NFATC3: variants seen among roughly 807,000 people sequenced by gnomAD.
The protein encoded by NFATC3 is nuclear factor of activated T cells 3.
In NFATC3, 46 loss-of-function variants were observed where a neutral mutation model predicts 98.6. The observed-to-expected ratio is 0.47, with a 90% CI of 0.37 to 0.60. NFATC3 has a LOEUF of 0.60. Among genes scored for constraint, NFATC3 ranks in the 20% least tolerant of loss-of-function variants. The probability of loss-of-function intolerance (pLI) is 0.00; values close to 1 mark genes in which losing one functional copy is unlikely to be tolerated. For synonymous variants in NFATC3, 512 were observed against 472.2 expected (o/e 1.08, Z -1.09); for missense variants, 1,256 against 1,295.5 (o/e 0.97, Z 0.47).
intron 1 of NFATC3, among the ~76,000 whole-genome samples, chr16:68,091,863 C>G (rs1182663730): frequency 1.3e-5 from 2 of 152,162 alleles, no homozygotes; most frequent in Non-Finnish European, 2.9e-5. Flanking sequence ...CAAATTTGCC[C>G]AGGCATGCCA....
At chr16:68,214,459 GT>G in intron 9 of NFATC3, 1 of 1,598,252 alleles carries the variant, frequency 6.3e-7, no homozygotes, top group Non-Finnish European at 8.6e-7. Flanking sequence ...ATGTGTCATT[GT>G]TTTTGTGCCC....
chr16:68,107,520 C>T (rs1317874177), intron 1 of NFATC3, among the ~76,000 whole-genome samples: 1 of 152,220 alleles, frequency 6.6e-6, no homozygotes, highest in Non-Finnish European at 1.5e-5. Flanking sequence ...GTCAGGAGTT[C>T]AAGACCAGCC....
chr16:68,197,034 AAAATAAAT>A (rs561700662), intron 9 of NFATC3, among the ~76,000 whole-genome samples: 4 of 151,942 alleles, frequency 2.6e-5, no homozygotes, highest in Non-Finnish European at 5.9e-5. Context: ...CCATCTCAAG[AAAATAAAT>A]AAATAAATAA....
intron 9 of NFATC3, among the ~76,000 whole-genome samples, chr16:68,207,551 C>A (rs1208750481): frequency 6.6e-6 from 1 of 152,188 alleles, no homozygotes; most frequent in Non-Finnish European, 1.5e-5. Context: ...GAAGTCTCTG[C>A]CTCCTGGGTT....
intron 1 of NFATC3, among the ~76,000 whole-genome samples, chr16:68,086,379 G>C (rs1342333725): frequency 6.6e-6 from 1 of 152,078 alleles, no homozygotes; most frequent in Non-Finnish European, 1.5e-5. Context: ...AAGTGTTCCG[G>C]AAGATTTTTT....
chr16:68,108,470 G>A (rs527304855), intron 1 of NFATC3, among the ~76,000 whole-genome samples: 1 of 152,220 alleles, frequency 6.6e-6, no homozygotes, highest in South Asian at 2.1e-4. Context: ...TGCTGTTTTG[G>A]TTACTGTAGC....
At chr16:68,113,476 C>T (rs537889432) in intron 1 of NFATC3, among the ~76,000 whole-genome samples, 1 of 152,366 alleles carries the variant, frequency 6.6e-6, no homozygotes, top group South Asian at 2.1e-4. Context: ...CTGGGAGCTT[C>T]ATCCCAGAAG....
chr16:68,191,414 T>A lies in NFATC3; in HGVS notation c.2745T>A (p.Tyr915Ter). 6.2e-7 allele frequency: 1 copy of A among 1,614,172 alleles called. No individual in the cohort carries two copies. Among genetic ancestry groups the A allele is most frequent in the Non-Finnish European group, 8.5e-7 (1 of 1,180,016 alleles). ...CGTCTCAGTTACAACCTATTACATA[T>A]GGTCCTTCACATTCAGGGTCTGCTA... ...QPSSQLQPIT[Y>*]GPSHSGSATT... The change falls in exon 9 of 10, where the codon TAT becomes TAA. Residue 915 changes from tyrosine (Y) to a stop codon, truncating the protein, a stop_gained. Coordinates refer to ENST00000346183, the MANE Select transcript of NFATC3 (RefSeq NM_173165.3). LOFTEE classifies it high-confidence loss of function.
At chr16:68,210,790 T>C (rs186141466) in intron 9 of NFATC3, among the ~76,000 whole-genome samples, 29 of 152,240 alleles carry the variant, frequency 1.9e-4, no homozygotes, top group Admixed American at 9.8e-4. Flanking sequence ...TTTTGTTTTT[T>C]TGTTTGTTTG....
At chr16:68,113,725 G>T (rs2036108947) in intron 1 of NFATC3, among the ~76,000 whole-genome samples, 1 of 152,366 alleles carries the variant, frequency 6.6e-6, no homozygotes, top group Non-Finnish European at 1.5e-5. Context: ...ACCCGTAGAG[G>T]CTCCTTCCCA....
intron 1 of NFATC3, 67 bp downstream of exon 1, chr16:68,085,851 T>C: frequency 8.3e-7 from 1 of 1,210,168 alleles, no homozygotes; most frequent in Non-Finnish European, 1.1e-6. Flanking sequence ...TCTCGCTCCC[T>C]CCCTGTTCCC....
intron 1 of NFATC3, among the ~76,000 whole-genome samples, chr16:68,105,236 G>T (rs1389209942): frequency 1.3e-5 from 2 of 151,108 alleles, no homozygotes; most frequent in Non-Finnish European, 3.0e-5. Context: ...GATTACAGGC[G>T]CCTGCCACCA....
At chr16:68,164,077 C>A (rs2151589853) in intron 4 of NFATC3, among the ~76,000 whole-genome samples, 1 of 152,274 alleles carries the variant, frequency 6.6e-6, no homozygotes, top group South Asian at 2.1e-4. Flanking sequence ...TTGTAGCGAG[C>A]CGAGATCACG....
chr16:68,161,935 C>T (rs73610297), intron 4 of NFATC3, among the ~76,000 whole-genome samples: 1,999 of 152,248 alleles, frequency 0.013, 43 homozygotes, highest in African/African-American at 0.045. Flanking sequence ...CTGTCTCCTC[C>T]ATCATCTTCC....
intron 3 of NFATC3, among the ~76,000 whole-genome samples, chr16:68,134,498 A>G (rs924651689): frequency 1.3e-5 from 2 of 152,148 alleles, no homozygotes; most frequent in African/African-American, 4.8e-5. Context: ...CAGCCAGCTC[A>G]TCTTCGAATA....
At chr16:68,094,938 C>G (rs1246776579) in intron 1 of NFATC3, among the ~76,000 whole-genome samples, 1 of 152,038 alleles carries the variant, frequency 6.6e-6, no homozygotes, top group Non-Finnish European at 1.5e-5. Flanking sequence ...TTTCATTGAC[C>G]AAAACTGGGT....
chr16:68,162,096 A>G (rs1182920463), intron 4 of NFATC3, among the ~76,000 whole-genome samples: 1 of 152,202 alleles, frequency 6.6e-6, no homozygotes, highest in Admixed American at 6.5e-5. Context: ...TCCTCCTGCA[A>G]CCCTACCACA....
intron 3 of NFATC3, among the ~76,000 whole-genome samples, chr16:68,135,572 T>C (rs2037358085): frequency 6.6e-6 from 1 of 152,060 alleles, no homozygotes; most frequent in Admixed American, 6.6e-5. Context: ...ATTATTTTAC[T>C]TTTTAGTTCT....
At chr16:68,149,910 T>G (rs2038227104) in intron 3 of NFATC3, among the ~76,000 whole-genome samples, 1 of 152,216 alleles carries the variant, frequency 6.6e-6, no homozygotes, top group African/African-American at 2.4e-5. Context: ...GCTTTTTTGA[T>G]AGGTTAGAAG....
Sources: allele counts gnomAD v4.1 joint callset (sites outside exome capture counted in the v4.1 genomes callset), GRCh38; gene constraint gnomAD v4.1.1; transcripts MANE v1.5; gene names NCBI Gene and HGNC (gene_info 2026-07-23, HGNC 2026-07-21).